RGS3: variants seen among roughly 807,000 people sequenced by gnomAD.
RGS3 encodes the protein regulator of G-protein signalling 3.
A neutral mutation model predicts 132.6 loss-of-function variants in RGS3; 80 were observed. The observed-to-expected ratio is 0.60, with a 90% CI of 0.50 to 0.73. The LOEUF is 0.73. Ranked by LOEUF, RGS3 falls within the 30% of genes least tolerant of loss-of-function variation. RGS3 has a pLI of 0.00. For synonymous variants in RGS3, 598 were observed against 620.6 expected (o/e 0.96, Z 0.54); for missense variants, 1,382 against 1,530.8 (o/e 0.90, Z 1.62).
intron 1 of RGS3, among the ~76,000 whole-genome samples, chr9:113,451,423 C>T (rs994754909): frequency 1.3e-5 from 2 of 152,192 alleles, no homozygotes; most frequent in Non-Finnish European, 2.9e-5. Flanking sequence ...TTCACCATCA[C>T]AGTACATGGA....
chr9:113,558,534 C>T (rs1013612925), intron 19 of RGS3, among the ~76,000 whole-genome samples: 2 of 151,902 alleles, frequency 1.3e-5, no homozygotes, highest in African/African-American at 2.4e-5. Context: ...GTCAGGGAAA[C>T]AGATGGTGCC....
intron 4 of RGS3, among the ~76,000 whole-genome samples, chr9:113,481,175 C>G (rs962638992): frequency 6.6e-6 from 1 of 152,208 alleles, no homozygotes; most frequent in African/African-American, 2.4e-5. Context: ...CTTATTATTT[C>G]CCCCTCCAGG....
chr9:113,512,572 T>G lies in RGS3; in HGVS notation c.1478-1886T>G, dbSNP rs200272341. On this transcript the variant is annotated intron_variant, in intron 14 of 24. Coordinates refer to ENST00000350696, the Ensembl canonical transcript of RGS3. ...GGGAGGAGGAAGCAAGTGTGAAACC[T>G]TCTGAGGTGAGTTTTATCTCCGAGG... Among the ~76,000 whole-genome samples, 24 of 152,270 alleles carry G rather than the reference T, an allele frequency of 1.6e-4. No homozygotes were observed. The East Asian group carries it at 4.6e-3, about 29-fold the overall frequency.
chr9:113,481,866 G>GAGAA (rs1207760602), intron 4 of RGS3, among the ~76,000 whole-genome samples: 1 of 152,128 alleles, frequency 6.6e-6, no homozygotes, highest in Non-Finnish European at 1.5e-5. Flanking sequence ...GACTAACATG[G>GAGAA]AGAAACCTTC....
intron 14 of RGS3, among the ~76,000 whole-genome samples, chr9:113,513,258 G>T (rs1013162727): frequency 6.6e-6 from 1 of 152,100 alleles, no homozygotes; most frequent in Non-Finnish European, 1.5e-5. Flanking sequence ...AGGGTGAGGG[G>T]TGTGTGTCCA....
At chr9:113,474,400 G>A (rs1200330134) in intron 3 of RGS3, among the ~76,000 whole-genome samples, 1 of 152,198 alleles carries the variant, frequency 6.6e-6, no homozygotes, top group Non-Finnish European at 1.5e-5. Context: ...GTGGCTGCCT[G>A]TTTCCCAGCG....
intron 19 of RGS3, among the ~76,000 whole-genome samples, chr9:113,576,619 C>T (rs537138635): frequency 6.6e-6 from 1 of 152,102 alleles, no homozygotes; most frequent in African/African-American, 2.4e-5. Flanking sequence ...CGTGAGCCAC[C>T]GCACCCAGCG....
chr9:113,493,109 A>G (rs1402041003), intron 7 of RGS3, among the ~76,000 whole-genome samples: 2 of 152,192 alleles, frequency 1.3e-5, no homozygotes, highest in Non-Finnish European at 2.9e-5. Context: ...ATAAAATGAA[A>G]TTGGTATGAG....
chr9:113,563,752 A>C (rs1833884517), intron 19 of RGS3, among the ~76,000 whole-genome samples: 2 of 152,220 alleles, frequency 1.3e-5, no homozygotes, highest in Non-Finnish European at 2.9e-5. Flanking sequence ...GACCCGATAA[A>C]GAATGTTTTC....
chr9:113,467,164 A>G (rs918090981), intron 3 of RGS3, among the ~76,000 whole-genome samples: 1 of 152,216 alleles, frequency 6.6e-6, no homozygotes, highest in Non-Finnish European at 1.5e-5. Flanking sequence ...TATTATGAAT[A>G]ATACTGCCAT....
rs1588215630 is a variant in RGS3 at position 113,536,470 on chromosome 9, C to T, written c.1915-326C>T. The T allele has an allele frequency of 3.9e-6, 4 of 1,030,398 alleles. No homozygotes were observed. In the African/African-American group the frequency reaches 6.8e-5, roughly 18 times the overall value. The allele number at this position is 1,030,398 out of a possible 1,614,324, so 63.8% of individuals were successfully genotyped here. A position where few individuals can be genotyped will look rare whatever the true frequency, so the allele number is the denominator to read the frequency against. On this transcript the variant is annotated intron_variant, in intron 18 of 24. Transcript: ENST00000350696. Reference sequence around the variant, plus strand: ...GGCTTCCCACGTGCTCCCTCAGCTGCTGCTTTGTGCTGCCTGCCCCTGGGG... The same window carrying T: ...GGCTTCCCACGTGCTCCCTCAGCTGTTGCTTTGTGCTGCCTGCCCCTGGGG...
chr9:113,589,358 C>T (rs963807564), intron 20 of RGS3: 2 of 152,302 alleles, frequency 1.3e-5, no homozygotes, highest in African/African-American at 4.8e-5. Flanking sequence ...CCTTGGCTCA[C>T]AGGCTCTTTT....
chr9:113,479,333 C>G (rs1830088291), intron 3 of RGS3, 158 bp from the exon 2 acceptor site: 1 of 747,866 alleles, frequency 1.3e-6, no homozygotes, highest in African/African-American at 1.7e-5. Context: ...CGGGGCTGAA[C>G]CCTGTGGCTT....
At chr9:113,583,632 A>G in exon 20 of RGS3, 6 of 1,614,014 alleles carry the variant, frequency 3.7e-6, no homozygotes, top group Non-Finnish European at 5.1e-6. Context: ...GCCAAGAACC[A>G]CTGTCCAGCA....
Position 113,591,369 on chromosome 9 carries a change from G to A in RGS3, c.3052G>A (p.Ala1018Thr). 2 of 1,613,684 alleles carry A rather than the reference G, an allele frequency of 1.2e-6. No individual in the cohort carries two copies. The highest frequency in any genetic ancestry group is 1.7e-6 in the Non-Finnish European group (2 of 1,179,958). Reference sequence around the variant, plus strand: ...TGACACCGTTGGGGATGATGACGAAGCCTCCCGGAAGAGAAAGAGCAAAAA... The same window carrying A: ...TGACACCGTTGGGGATGATGACGAAACCTCCCGGAAGAGAAAGAGCAAAAA... Residue 1018 changes from alanine to threonine, a missense_variant, in exon 21 of 25, where the codon GCC becomes ACC. Coordinates refer to ENST00000350696, the Ensembl canonical transcript of RGS3. The surrounding 1 kb of genome is among the most constrained non-coding windows in gnomAD (Gnocchi z 4.4).
At chr9:113,577,463 A>T (rs1588278839) in intron 19 of RGS3, among the ~76,000 whole-genome samples, 1 of 152,200 alleles carries the variant, frequency 6.6e-6, no homozygotes, top group Non-Finnish European at 1.5e-5. Flanking sequence ...GGAGAAAATG[A>T]TGGCCAATTC....
rs767559397 is a variant in RGS3 at position 113,536,809 on chromosome 9, T to C, written c.1928T>C (p.Leu643Ser). The C allele has an allele frequency of 1.9e-6, 3 of 1,614,060 alleles. No individual in the cohort carries two copies. In the South Asian group the frequency reaches 3.3e-5, roughly 18 times the overall value. Residue 643 changes from leucine (L) to serine (S), a missense_variant, in exon 19 of 25, where the codon TTA (leucine) becomes TCA (serine). Leu to Ser is a moderately radical substitution (Grantham distance 145). Coordinates refer to ENST00000350696, the Ensembl canonical transcript of RGS3. The stretch of plus-strand genomic sequence containing the variant: ...CCCTGACGTCAGAAGGCAGAGTGCT[T>C]ATTCACTTTGGAAGCGCACTCGCAG...
At chr9:113,548,235 G>A (rs911487049) in intron 19 of RGS3, among the ~76,000 whole-genome samples, 1 of 152,204 alleles carries the variant, frequency 6.6e-6, no homozygotes, top group African/African-American at 2.4e-5. Context: ...ATTCTGCTGG[G>A]CTGGGGGCAG....
In RGS3 at chr9:113,565,465, T is replaced by G; in HGVS notation, c.2038-17985T>G. ...GGTGATGCAAGGGTTTTGAAAGCGC[T>G]ACCTAGATGTGGGAGGTGGAACCTG... On this transcript the variant is annotated intron_variant, in intron 19 of 24. Coordinates refer to ENST00000350696, the Ensembl canonical transcript of RGS3. This position sits in a 1 kb window ranked among gnomAD's most constrained non-coding sequence, Gnocchi z 5.7. The G allele has an allele frequency of 4.6e-4, 419 of 913,618 alleles. No individual in the cohort carries two copies. The highest frequency in any genetic ancestry group is 5.9e-4 in the Non-Finnish European group (388 of 652,382). The allele number at this position is 913,618 out of a possible 1,614,324, so 56.6% of individuals were successfully genotyped here.
Sources: allele counts gnomAD v4.1 joint callset (sites outside exome capture counted in the v4.1 genomes callset), GRCh38; gene constraint gnomAD v4.1.1; non-coding constraint Gnocchi (gnomAD v3.1); transcripts MANE v1.5; gene names NCBI Gene and HGNC (gene_info 2026-07-23, HGNC 2026-07-21).